Variants in NUBPL observed in about 807,000 individuals in gnomAD.
NUBPL encodes iron-sulfur cluster transfer protein NUBPL.
Under a neutral mutation model 45.7 loss-of-function variants are expected in NUBPL, and 31 were observed. The ratio of observed to expected loss-of-function variants is 0.68; its 90% CI spans 0.51 to 0.92. NUBPL has a LOEUF of 0.92. NUBPL is among the 40% of genes least tolerant of loss of function. The pLI, the probability that NUBPL is intolerant of heterozygous loss-of-function variation, is 0.00. For missense variants in NUBPL, 401 were observed against 398.7 expected (o/e 1.01, Z -0.05); for synonymous variants, 144 against 140.9 (o/e 1.02, Z -0.15).
intron 4 of NUBPL, among the ~76,000 whole-genome samples, chr14:31,638,412 T>C (rs1429683593): frequency 3.3e-5 from 5 of 151,974 alleles, no homozygotes; most frequent in African/African-American, 7.2e-5. Context: ...TGTTGAATAT[T>C]GGCCCCCACT....
chr14:31,790,244 A>G (rs757076519), intron 7 of NUBPL, among the ~76,000 whole-genome samples: 5 of 152,256 alleles, frequency 3.3e-5, no homozygotes, highest in Non-Finnish European at 7.4e-5. Context: ...AAATTACCCT[A>G]TTTTAGTTTG....
chr14:31,773,293 A>G (rs2039041952), intron 6 of NUBPL, among the ~76,000 whole-genome samples: 3 of 152,224 alleles, frequency 2.0e-5, no homozygotes. Context: ...TGTTGTACAT[A>G]AAAGGTGCCT....
chr14:31,624,139 G>A lies in NUBPL; in HGVS notation c.382+24760G>A, dbSNP rs917128043. Among the ~76,000 whole-genome samples, 4 of 152,152 alleles carry A rather than the reference G, an allele frequency of 2.6e-5. No individual in the cohort carries two copies. The South Asian group carries it at 8.3e-4, about 32-fold the overall frequency. On this transcript the variant is annotated intron_variant, in intron 4 of 10. Transcript: ENST00000281081. ...ATTTAAGTCTGAAGTGATAGAAATG[G>A]AGAGGAGGAGACCTAATTGTGAGGT... is the stretch of plus-strand genomic sequence containing the variant.
intron 6 of NUBPL, among the ~76,000 whole-genome samples, chr14:31,746,511 C>T (rs1342625142): frequency 6.6e-6 from 1 of 151,970 alleles, no homozygotes; most frequent in Non-Finnish European, 1.5e-5. Context: ...GTAAACCATC[C>T]TTGCATTCCT....
chr14:31,700,762 G>A (rs2037315778), intron 6 of NUBPL, among the ~76,000 whole-genome samples: 1 of 152,134 alleles, frequency 6.6e-6, no homozygotes, highest in African/African-American at 2.4e-5. Flanking sequence ...AATTCTTGCC[G>A]GGCCTCAGCC....
chr14:31,834,701 C>T (rs376427343), intron 8 of NUBPL, among the ~76,000 whole-genome samples: 1 of 152,140 alleles, frequency 6.6e-6, no homozygotes, highest in African/African-American at 2.4e-5. Flanking sequence ...ATGTGAGTTA[C>T]ATAAATTAAA....
At position 31,619,749 on chromosome 14, in the gene NUBPL, A is replaced by G. The variant is rs1024855887; in HGVS notation, c.382+20370A>G. Among the ~76,000 whole-genome samples the G allele has an allele frequency of 2.2e-4, 34 of 151,968 alleles. 1 individual carries two copies. Among genetic ancestry groups the G allele is most frequent in the Non-Finnish European group, 4.6e-4 (31 of 68,000 alleles). ...CTTTATTTCAACCTTGGTGAATCCT[A>G]CGATTATGTGCCTTAGGGTTGCTCT... On this transcript the variant is annotated intron_variant, in intron 4 of 10. Coordinates refer to ENST00000281081, the MANE Select transcript of NUBPL (RefSeq NM_025152.3).
intron 6 of NUBPL, among the ~76,000 whole-genome samples, chr14:31,731,925 G>A (rs1036456612): frequency 1.3e-5 from 2 of 151,986 alleles, no homozygotes; most frequent in African/African-American, 2.4e-5. Context: ...ACTGGAGGCC[G>A]GACGCGGTGG....
chr14:31,839,911 G>A (rs1284314430), intron 8 of NUBPL, among the ~76,000 whole-genome samples: 4 of 151,974 alleles, frequency 2.6e-5, no homozygotes, highest in African/African-American at 9.7e-5. Flanking sequence ...ATACCTGTTA[G>A]AATAGCTATT....
chr14:31,751,946 A>G (rs1442358912), intron 6 of NUBPL, among the ~76,000 whole-genome samples: 1 of 152,176 alleles, frequency 6.6e-6, no homozygotes, highest in Non-Finnish European at 1.5e-5. Context: ...TGGGGCTTGC[A>G]TTCTCTGAAG....
intron 6 of NUBPL, among the ~76,000 whole-genome samples, chr14:31,683,561 T>G (rs1280702116): frequency 6.6e-6 from 1 of 151,800 alleles, no homozygotes; most frequent in South Asian, 2.1e-4. Flanking sequence ...CCATTTTGGC[T>G]AGGATGGTCT....
chr14:31,619,927 T>C (rs2035014845), intron 4 of NUBPL, among the ~76,000 whole-genome samples: 1 of 152,104 alleles, frequency 6.6e-6, no homozygotes, highest in Non-Finnish European at 1.5e-5. Flanking sequence ...GCCAATCACA[T>C]GTAGATTTGG....
chr14:31,657,859 A>G (rs1234788714), intron 4 of NUBPL, among the ~76,000 whole-genome samples: 1 of 152,182 alleles, frequency 6.6e-6, no homozygotes, highest in East Asian at 1.9e-4. Context: ...TGCTACTTCA[A>G]AAACTTGAGA....
intron 6 of NUBPL, among the ~76,000 whole-genome samples, chr14:31,763,742 C>G (rs1369015130): frequency 1.3e-5 from 2 of 152,032 alleles, no homozygotes; most frequent in Non-Finnish European, 2.9e-5. Flanking sequence ...GTGTTAAATA[C>G]AAGAATCTAA....
chr14:31,622,144 G>C (rs534035468), intron 4 of NUBPL, among the ~76,000 whole-genome samples: 2 of 152,272 alleles, frequency 1.3e-5, no homozygotes, highest in South Asian at 4.1e-4. Flanking sequence ...CTGCCCTAGA[G>C]AGTTGTGGAA....
At chr14:31,765,233 C>T (rs746646669) in intron 6 of NUBPL, among the ~76,000 whole-genome samples, 7 of 152,148 alleles carry the variant, frequency 4.6e-5, no homozygotes, top group Non-Finnish European at 5.9e-5. Flanking sequence ...TTCCACACTT[C>T]GTTTTAATCT....
At chr14:31,739,600 A>G (rs2038239956) in intron 6 of NUBPL, among the ~76,000 whole-genome samples, 1 of 152,030 alleles carries the variant, frequency 6.6e-6, no homozygotes, top group Non-Finnish European at 1.5e-5. Flanking sequence ...AGCCTTTCCT[A>G]CGATCAGCAT....
intron 4 of NUBPL, among the ~76,000 whole-genome samples, chr14:31,631,694 C>T (rs572588419): frequency 3.3e-5 from 5 of 152,148 alleles, no homozygotes; most frequent in East Asian, 3.9e-4. Flanking sequence ...TCCAAGTCCA[C>T]GTCCAAAGGC....
At chr14:31,591,390 G>A (rs2034139213) in intron 3 of NUBPL, among the ~76,000 whole-genome samples, 1 of 152,086 alleles carries the variant, frequency 6.6e-6, no homozygotes. Flanking sequence ...TTGAACTCCT[G>A]ACCTCAAATG....
Sources: allele counts gnomAD v4.1 joint callset (sites outside exome capture counted in the v4.1 genomes callset), GRCh38; gene constraint gnomAD v4.1.1; transcripts MANE v1.5; gene names NCBI Gene and HGNC (gene_info 2026-07-23, HGNC 2026-07-21).